SHISA9: variants seen among roughly 807,000 people sequenced by gnomAD.
SHISA9 encodes the protein shisa family member 9, also known as protein shisa-9.
In SHISA9, 13 loss-of-function variants were observed where a neutral mutation model predicts 38.0. That is an observed-to-expected ratio of 0.34 (90% confidence interval 0.22 to 0.54). The LOEUF is 0.54. Ranked by LOEUF, SHISA9 falls within the 20% of genes least tolerant of loss-of-function variation. The pLI, the probability that SHISA9 is intolerant of heterozygous loss-of-function variation, is 0.91. For synonymous variants in SHISA9, 275 were observed against 242.0 expected (o/e 1.14, Z -1.27); for missense variants, 538 against 575.8 (o/e 0.93, Z 0.67).
At chr16:13,402,515 T>G in the SHISA9 span, among the ~76,000 whole-genome samples, 1 of 146,756 alleles carries the variant, frequency 6.8e-6, no homozygotes, top group South Asian at 2.2e-4. Flanking sequence ...GGGTGGTCTT[T>G]TTTTTTTTTT....
chr16:13,086,054 A>G (rs1345137887), intron 2 of SHISA9, among the ~76,000 whole-genome samples: 1 of 152,218 alleles, frequency 6.6e-6, no homozygotes, highest in African/African-American at 2.4e-5. Context: ...TAAAATTTAT[A>G]GAAATCAATT....
chr16:13,340,719 C>T, the SHISA9 span, among the ~76,000 whole-genome samples: 2 of 152,204 alleles, frequency 1.3e-5, no homozygotes, highest in African/African-American at 4.8e-5. Context: ...GCCATGATGG[C>T]CCTGCAAGGC....
intron 2 of SHISA9, among the ~76,000 whole-genome samples, chr16:13,043,771 T>C (rs1182692064): frequency 1.8e-5 from 2 of 110,538 alleles, no homozygotes; most frequent in African/African-American, 1.1e-4. Flanking sequence ...CTTAGATTTA[T>C]TGACATTTTA....
At chr16:13,345,333 A>T in the SHISA9 span, among the ~76,000 whole-genome samples, 1 of 151,878 alleles carries the variant, frequency 6.6e-6, no homozygotes, top group Non-Finnish European at 1.5e-5. Context: ...TTTAGCTCCC[A>T]CTTGTAAGTG....
intron 2 of SHISA9, among the ~76,000 whole-genome samples, chr16:12,932,504 G>A (rs780100594): frequency 2.3e-4 from 35 of 152,064 alleles, no homozygotes; most frequent in Middle Eastern, 3.4e-3. Context: ...ACCATGCCTC[G>A]CTAATTTAGT....
At chr16:13,356,610 G>C in the SHISA9 span, among the ~76,000 whole-genome samples, 4 of 152,120 alleles carry the variant, frequency 2.6e-5, no homozygotes, top group Admixed American at 6.6e-5. Context: ...AGCTCGGCCT[G>C]GTGAGGAGCA....
chr16:13,210,151 A>C lies in SHISA9; in HGVS notation c.848-3102A>C, dbSNP rs540025264. Among the ~76,000 whole-genome samples, 26 of 152,326 alleles carry C rather than the reference A, an allele frequency of 1.7e-4. No individual in the cohort carries two copies. The South Asian group carries it at 5.2e-3, about 30-fold the overall frequency. Reference sequence around the variant, plus strand: ...TCACTTGGTGGTTCAGAGAGGGATGATTGGTACTTCCAGAACTGGAAAAGA... The same window carrying C: ...TCACTTGGTGGTTCAGAGAGGGATGCTTGGTACTTCCAGAACTGGAAAAGA... On this transcript the variant is annotated intron_variant, in intron 3 of 4. Coordinates refer to ENST00000558583, the MANE Select transcript of SHISA9 (RefSeq NM_001145204.3).
intron 2 of SHISA9, among the ~76,000 whole-genome samples, chr16:13,129,321 T>C (rs939751396): frequency 2.6e-5 from 4 of 152,310 alleles, no homozygotes; most frequent in African/African-American, 9.6e-5. Flanking sequence ...CTCCAAGCAG[T>C]CATTCAGGGA....
chr16:13,357,232 T>A, the SHISA9 span, among the ~76,000 whole-genome samples: 2 of 152,124 alleles, frequency 1.3e-5, no homozygotes, highest in Non-Finnish European at 2.9e-5. Context: ...GACTTGCCGC[T>A]AAGGGTGAAG....
the SHISA9 span, among the ~76,000 whole-genome samples, chr16:13,429,347 G>A: frequency 6.6e-5 from 10 of 152,114 alleles, no homozygotes; most frequent in African/African-American, 1.9e-4. Context: ...TTTTTTCTGC[G>A]GGCTGTAAGG....
chr16:13,489,553 A>G, the SHISA9 span, among the ~76,000 whole-genome samples: 1 of 152,110 alleles, frequency 6.6e-6, no homozygotes, highest in Non-Finnish European at 1.5e-5. Context: ...CAGTTCCCCC[A>G]TACTGTTCTC....
At chr16:13,360,626 C>G in the SHISA9 span, among the ~76,000 whole-genome samples, 319 of 152,276 alleles carry the variant, frequency 2.1e-3, 1 homozygote, top group African/African-American at 7.1e-3. Flanking sequence ...AAACCTCTTT[C>G]CTTTATAAAT....
chr16:13,305,086 T>A, the SHISA9 span, among the ~76,000 whole-genome samples: 171 of 152,332 alleles, frequency 1.1e-3, no homozygotes, highest in African/African-American at 3.9e-3. Context: ...TATTTGCATA[T>A]ACATAATGAG....
In SHISA9 at chr16:13,015,839, T is replaced by C. The variant is rs1271879368; in HGVS notation, c.691+99024T>C. 4.1e-5 allele frequency among the ~76,000 whole-genome samples: 6 copies of C among 146,670 alleles called. No individual in the cohort carries two copies. In the East Asian group the frequency reaches 1.0e-3, roughly 25 times the overall value. ...TTTGTTTGTTTCTCTCTCTCTCTTT[T>C]CTTTCTTTCTTTCCCTTTCTTTCTT... is the stretch of plus-strand genomic sequence containing the variant. On this transcript the variant is annotated intron_variant, in intron 2 of 4. Transcript: ENST00000558583.
chr16:13,350,884 T>A, the SHISA9 span, among the ~76,000 whole-genome samples: 1 of 152,166 alleles, frequency 6.6e-6, no homozygotes. Context: ...AAAGTCAGAG[T>A]AAGTAGGACT....
the SHISA9 span, among the ~76,000 whole-genome samples, chr16:13,329,344 T>G: frequency 6.6e-6 from 1 of 152,158 alleles, no homozygotes; most frequent in African/African-American, 2.4e-5. Flanking sequence ...TCTCCTTGTG[T>G]GTGTTGGCAT....
chr16:13,100,984 C>T (rs1003906099), intron 2 of SHISA9, among the ~76,000 whole-genome samples: 12 of 152,212 alleles, frequency 7.9e-5, no homozygotes, highest in African/African-American at 2.9e-4. Context: ...GCTTGAGCCA[C>T]TGTGCTCACC....
rs71147791 is a variant in SHISA9, at chr16:13,234,957, ACTCT to A, written c.896-46_896-43del. The stretch of plus-strand genomic sequence containing the variant: ...TCTTGGGTTGACATGCCAGTCTCTA[ACTCT>A]CTCTCTCTCTCTCTCTCTCTCTCTC... On this transcript the variant is annotated intron_variant, in intron 4 of 4. Transcript: ENST00000558583. 11,031 of 1,291,250 alleles carry A rather than the reference ACTCT, an allele frequency of 8.5e-3. 10 individuals are homozygous for A. Among genetic ancestry groups the A allele is most frequent in the African/African-American group, 0.012 (660 of 54,912 alleles). 80.0% of individuals were successfully genotyped at this position (1,291,250 alleles called of 1,614,324 possible). A position where few individuals can be genotyped will look rare whatever the true frequency, so the allele number is the denominator to read the frequency against.
chr16:13,312,925 G>T, the SHISA9 span, among the ~76,000 whole-genome samples: 5 of 152,138 alleles, frequency 3.3e-5, no homozygotes, highest in Non-Finnish European at 7.4e-5. Context: ...AAGTGTTAGG[G>T]AAGATAACAA....
Sources: gnomAD v4.1 joint callset for allele counts (sites outside exome capture counted in the v4.1 genomes callset) on GRCh38, gnomAD v4.1.1 for gene constraint, MANE v1.5 for transcripts, NCBI Gene and HGNC (gene_info 2026-07-23, HGNC 2026-07-21) for gene names.